RBFOX1: variants seen among roughly 807,000 people sequenced by gnomAD.
RBFOX1 encodes RNA binding protein fox-1 homolog 1.
Under a neutral mutation model 57.7 loss-of-function variants are expected in RBFOX1, and 8 were observed. The observed-to-expected ratio is 0.14, with a 90% CI of 0.08 to 0.25. The LOEUF (loss-of-function observed/expected upper bound fraction) is 0.25. RBFOX1 is among the 10% of genes least tolerant of loss of function. RBFOX1 has a pLI of 1.00. For synonymous variants in RBFOX1, 326 were observed against 222.4 expected, an observed-to-expected ratio of 1.47 and a Z score of -4.15; for missense variants, 611 against 548.5, an observed-to-expected ratio of 1.11 and a Z score of -1.14.
At chr16:5,714,533 C>G (rs8059103) in intron 3 of RBFOX1, among the ~76,000 whole-genome samples, 82,617 of 152,040 alleles carry the variant, frequency 0.54, 26,043 homozygotes, top group Non-Finnish European at 0.72. Context: ...CTGGGTGGGA[C>G]CTTAGATGTG....
At chr16:6,224,530 C>CA (rs2097401532) in intron 1 of RBFOX1, among the ~76,000 whole-genome samples, 3 of 151,954 alleles carry the variant, frequency 2.0e-5, no homozygotes, top group Non-Finnish European at 4.4e-5. Context: ...TATGTGAGAA[C>CA]AAAAAAGCCC....
rs901253583 is a variant in RBFOX1, at chr16:5,509,281, A to C, written c.258+42027A>C. Among the ~76,000 whole-genome samples the C allele has an allele frequency of 3.3e-5, 5 of 152,300 alleles. No homozygotes were observed. The South Asian group carries it at 1.0e-3, about 32-fold the overall frequency. On this transcript the variant is annotated intron_variant, in intron 2 of 2. Transcript: ENST00000585867. ...AATTGGCAATGATGGAAGAAGGGCAAATCCATGCAGGTGAAATCACAGACA... is the reference window on the plus strand; with the variant it reads ...AATTGGCAATGATGGAAGAAGGGCACATCCATGCAGGTGAAATCACAGACA...
chr16:6,083,404 A>G (rs1225504646), intron 1 of RBFOX1, among the ~76,000 whole-genome samples: 2 of 152,182 alleles, frequency 1.3e-5, no homozygotes, highest in Non-Finnish European at 2.9e-5. Flanking sequence ...GTGTTCCTAG[A>G]TATGCTGTTG....
At chr16:5,819,627 G>A (rs1347600708) in intron 3 of RBFOX1, among the ~76,000 whole-genome samples, 1 of 152,178 alleles carries the variant, frequency 6.6e-6, no homozygotes, top group South Asian at 2.1e-4. Context: ...TACTGACGCT[G>A]GACTACTTGA....
intron 2 of RBFOX1, among the ~76,000 whole-genome samples, chr16:5,479,855 A>G (rs1257147591): frequency 6.6e-6 from 1 of 151,572 alleles, no homozygotes; most frequent in Non-Finnish European, 1.5e-5. Flanking sequence ...CTTAAGCTCC[A>G]ATTTGCTTCC....
chr16:5,944,309 T>C (rs1348577218), intron 4 of RBFOX1, among the ~76,000 whole-genome samples: 1 of 152,174 alleles, frequency 6.6e-6, no homozygotes, highest in Non-Finnish European at 1.5e-5. Flanking sequence ...ACCAGGCGGC[T>C]TTTGAGGTTC....
chr16:7,655,017 T>C (rs1327645678), intron 12 of RBFOX1, among the ~76,000 whole-genome samples: 1 of 152,202 alleles, frequency 6.6e-6, no homozygotes, highest in African/African-American at 2.4e-5. Flanking sequence ...TTCTGGTGTG[T>C]AGAAGAAAAT....
intron 3 of RBFOX1, among the ~76,000 whole-genome samples, chr16:6,665,628 A>C (rs2098727526): frequency 8.5e-6 from 1 of 117,968 alleles, no homozygotes; most frequent in South Asian, 2.6e-4. Context: ...TCCATCTCCA[A>C]AAAAAAAAAA....
intron 2 of RBFOX1, among the ~76,000 whole-genome samples, chr16:5,538,450 C>T (rs2171226): frequency 0.43 from 64,545 of 151,710 alleles, 14,120 homozygotes; most frequent in African/African-American, 0.45. Flanking sequence ...GGCTTTTAGA[C>T]GAAAAATGAG....
At chr16:6,243,386 A>G (rs2097550318) in intron 1 of RBFOX1, among the ~76,000 whole-genome samples, 1 of 152,172 alleles carries the variant, frequency 6.6e-6, no homozygotes, top group African/African-American at 2.4e-5. Flanking sequence ...AGCATATTCC[A>G]ATGTTCTTCC....
intron 1 of RBFOX1, among the ~76,000 whole-genome samples, chr16:5,389,097 A>G (rs1163008445): frequency 6.6e-6 from 1 of 151,706 alleles, no homozygotes; most frequent in East Asian, 2.0e-4. Flanking sequence ...AGGCTGAGGC[A>G]GGAGAATGGC....
At chr16:6,787,152 A>G (rs1304114653) in intron 3 of RBFOX1, among the ~76,000 whole-genome samples, 1 of 152,208 alleles carries the variant, frequency 6.6e-6, no homozygotes, top group Non-Finnish European at 1.5e-5. Context: ...AGAAACGTTG[A>G]TGAAACATTT....
At chr16:7,636,801 C>T (rs1322221299) in intron 11 of RBFOX1, among the ~76,000 whole-genome samples, 1 of 151,970 alleles carries the variant, frequency 6.6e-6, no homozygotes, top group East Asian at 2.0e-4. Context: ...AGATGGCCAC[C>T]TTCTCCCATG....
chr16:5,816,594 G>C (rs2055647189), intron 3 of RBFOX1, among the ~76,000 whole-genome samples: 2 of 152,098 alleles, frequency 1.3e-5, no homozygotes, highest in South Asian at 2.1e-4. Flanking sequence ...GACCAGCCTG[G>C]GCAACATAGT....
chr16:5,474,738 G>GCATGGGGTAT (rs1352182888), intron 2 of RBFOX1, among the ~76,000 whole-genome samples: 1 of 152,056 alleles, frequency 6.6e-6, no homozygotes, highest in Non-Finnish European at 1.5e-5. Flanking sequence ...GCATGGGGTA[G>GCATGGGGTAT]CATGGGGTTC....
At chr16:7,482,041 C>G (rs1192859743) in intron 4 of RBFOX1, among the ~76,000 whole-genome samples, 1 of 152,228 alleles carries the variant, frequency 6.6e-6, no homozygotes, top group Non-Finnish European at 1.5e-5. Context: ...TCGGGGCGAT[C>G]TGTATTGCCT....
intron 4 of RBFOX1, among the ~76,000 whole-genome samples, chr16:7,508,051 A>T (rs186209741): frequency 2.0e-5 from 3 of 151,610 alleles, no homozygotes; most frequent in African/African-American, 7.3e-5. Flanking sequence ...CAGTGATGCA[A>T]TCTTGGATCA....
At chr16:6,814,354 G>C (rs2089555004) in intron 3 of RBFOX1, among the ~76,000 whole-genome samples, 1 of 152,148 alleles carries the variant, frequency 6.6e-6, no homozygotes. Context: ...CATGTCCTAA[G>C]TGTTTCCATT....
chr16:6,037,017 A>G (rs893136094), intron 1 of RBFOX1, among the ~76,000 whole-genome samples: 2 of 152,162 alleles, frequency 1.3e-5, no homozygotes, highest in Non-Finnish European at 2.9e-5. Context: ...GGGGGGAGAC[A>G]GGGAGGTCAC....
Sources: allele counts gnomAD v4.1 joint callset (sites outside exome capture counted in the v4.1 genomes callset), GRCh38; gene constraint gnomAD v4.1.1; transcripts MANE v1.5; gene names NCBI Gene and HGNC (gene_info 2026-07-23, HGNC 2026-07-21).